FAM98A: variants seen among roughly 807,000 people sequenced by gnomAD.
The protein encoded by FAM98A is protein FAM98A.
FAM98A carries 25 observed loss-of-function variants against 62.9 expected under a neutral mutation model. The observed-to-expected ratio is 0.40, with a 90% CI of 0.29 to 0.56. The LOEUF is 0.56. Ranked by LOEUF, FAM98A falls within the 20% of genes least tolerant of loss-of-function variation. FAM98A has a pLI of 0.51. For synonymous variants in FAM98A, 252 were observed against 228.6 expected (o/e 1.10, Z -0.92); for missense variants, 653 against 640.7 (o/e 1.02, Z -0.21).
rs546797083 is a variant in FAM98A at position 33,598,200 on chromosome 2, T to C, written c.53+969A>G. ...CAAGGTGTTTTTTCCTAAAGAAAGG[T>C]TTCTCTCAAAGGTTTCCTTGTCATG... On this transcript the variant is annotated intron_variant, in intron 1 of 7. Transcript: ENST00000238823. Among the ~76,000 whole-genome samples the C allele has an allele frequency of 7.6e-4, 116 of 152,246 alleles. No homozygotes were observed. The South Asian group carries it at 0.012, about 16-fold the overall frequency.
At chr2:33,598,911 C>G (rs947203272) in intron 1 of FAM98A, among the ~76,000 whole-genome samples, 2 of 152,220 alleles carry the variant, frequency 1.3e-5, no homozygotes, top group Non-Finnish European at 2.9e-5. Context: ...GACAATGACA[C>G]GCATGACTGA....
Position 33,584,853 on chromosome 2 carries a change from A to T in FAM98A, c.1480T>A (p.Phe494Ile). The T allele has an allele frequency of 6.2e-7, 1 of 1,614,090 alleles. No individual in the cohort carries two copies. The highest frequency in any genetic ancestry group is 8.5e-7 in the Non-Finnish European group (1 of 1,179,994). The change falls in exon 8 of 8, where the codon TTT becomes ATT. Residue 494 changes from phenylalanine (F) to isoleucine (I), a missense_variant. Phe to Ile is a conservative substitution (Grantham distance 21, BLOSUM62 0). Coordinates refer to ENST00000238823, the MANE Select transcript of FAM98A (RefSeq NM_015475.5). ...CCTCCATGCTGGAAATGCTGTTCAA[A>T]TTGACCCCCTTGGTGATAATTCTGG... ...GSQNYHQGGQ[F>I]EQHFQHGGYQ... is the part of the protein sequence containing the mutation.
rs756446837 is a variant in FAM98A at position 33,585,523 on chromosome 2, TA to T, written c.888+6del. 6.0e-5 allele frequency: 97 copies of T among 1,614,130 alleles called. No homozygotes were observed. The African/African-American group carries it at 1.1e-3, about 18-fold the overall frequency. On this transcript the variant is annotated splice_donor_region_variant and intron_variant, in intron 7 of 7. Coordinates refer to ENST00000238823, the MANE Select transcript of FAM98A (RefSeq NM_015475.5). ...CATTTGGAAAAAATTAAAGGTACTC[TA>T]ATCACCTTATTGATGGCACAGGCAG...
At chr2:33,586,820 T>G in intron 5 of FAM98A, 142 bp from the exon 6 acceptor site, 1 of 601,188 alleles carries the variant, frequency 1.7e-6, no homozygotes, top group Non-Finnish European at 3.0e-6. Flanking sequence ...TATAATATAC[T>G]AACAATTAAT....
Position 33,599,282 on chromosome 2 carries a change from A to C in FAM98A, c.-61T>G. 7.1e-7 allele frequency: 1 copy of C among 1,400,080 alleles called. No homozygotes were observed. The highest frequency in any genetic ancestry group is 1.2e-5 in the South Asian group (1 of 86,896). The allele number at this position is 1,400,080 out of a possible 1,614,324, so 86.7% of individuals were successfully genotyped here. ...TCCCCTCTTCGCCGGCAACGCGTACACTCGCGCATGCGCGACTTCCCCGGA... is the reference window on the plus strand; with the variant it reads ...TCCCCTCTTCGCCGGCAACGCGTACCCTCGCGCATGCGCGACTTCCCCGGA... On this transcript the variant is annotated 5_prime_UTR_variant, in exon 1 of 8. Coordinates refer to ENST00000238823, the MANE Select transcript of FAM98A (RefSeq NM_015475.5).
intron 2 of FAM98A, among the ~76,000 whole-genome samples, chr2:33,592,561 G>C (rs1677695619): frequency 6.6e-6 from 1 of 152,036 alleles, no homozygotes; most frequent in African/African-American, 2.4e-5. Context: ...GTAGAGACTA[G>C]GTCTCAGTAT....
In FAM98A at chr2:33,599,180, C is replaced by G; in HGVS notation, c.42G>C (p.Leu14Phe). The change falls in exon 1 of 8, where the codon TTG (leucine) becomes TTC (phenylalanine). Residue 14 changes from leucine (L) to phenylalanine (F), a missense_variant. Physicochemically the swap from Leu to Phe is conservative, Grantham distance 22. Transcript: ENST00000238823. The part of the protein sequence containing the change: ...DLMETDILES[L>F]EDLGYKGPLL... ...CCTGACAATCTTACCCTAGATCTTC[C>G]AACGACTCCAAGATGTCAGTCTCCA... 3 of 1,613,862 alleles carry G rather than the reference C, an allele frequency of 1.9e-6. No homozygotes were observed. Among genetic ancestry groups the G allele is most frequent in the Non-Finnish European group, 2.5e-6 (3 of 1,179,770 alleles).
At chr2:33,597,429 T>G (rs1023241378) in intron 1 of FAM98A, among the ~76,000 whole-genome samples, 2 of 152,230 alleles carry the variant, frequency 1.3e-5, no homozygotes, top group African/African-American at 4.8e-5. Context: ...CTTTTAATAT[T>G]TGAATGCCAC....
intron 1 of FAM98A, among the ~76,000 whole-genome samples, chr2:33,596,891 CAAAAAAAAAAA>C (rs55741538): frequency 9.7e-6 from 1 of 103,458 alleles, no homozygotes; most frequent in Non-Finnish European, 1.8e-5. Context: ...GACTCCGTAT[CAAAAAAAAAAA>C]AAAAAAAAGA....
chr2:33,588,600 C>T, intron 3 of FAM98A, 81 bp from the exon 4 acceptor site: 2 of 1,063,036 alleles, frequency 1.9e-6, no homozygotes, highest in South Asian at 2.0e-5. Context: ...CTATATAGAC[C>T]TATTGATATG....
Position 33,594,801 on chromosome 2 carries a change from AG to A in FAM98A, c.202+687del, listed in dbSNP as rs572015780. 1.8e-3 allele frequency among the ~76,000 whole-genome samples: 267 copies of A among 152,130 alleles called. 1 individual carries two copies. Among genetic ancestry groups the A allele is most frequent in the African/African-American group, 6.2e-3 (259 of 41,502 alleles). On this transcript the variant is annotated intron_variant, in intron 2 of 7. Transcript: ENST00000238823. ...GGAATTATATGTATAGCTCTCCATA[AG>A]GGTGGGTTAACAGGTGAGTATTTTC...
At chr2:33,588,225 A>C (rs1009482134) in intron 4 of FAM98A, 110 bp downstream of exon 4, 1 of 821,984 alleles carries the variant, frequency 1.2e-6, no homozygotes, top group Non-Finnish European at 1.9e-6. Context: ...ATTACTTAAT[A>C]ATATATGCAC....
chr2:33,597,589 A>AG (rs1040415123), intron 1 of FAM98A, among the ~76,000 whole-genome samples: 7 of 151,996 alleles, frequency 4.6e-5, no homozygotes, highest in Admixed American at 1.3e-4. Flanking sequence ...TAAAAAAAGG[A>AG]GGGGGAAAAA....
Position 33,599,281 on chromosome 2 carries a change from C to A in FAM98A, c.-60G>T, listed in dbSNP as rs1053964805. ...CTCCCCTCTTCGCCGGCAACGCGTA[C>A]ACTCGCGCATGCGCGACTTCCCCGG... On this transcript the variant is annotated 5_prime_UTR_variant, in exon 1 of 8. Coordinates refer to ENST00000238823, the MANE Select transcript of FAM98A (RefSeq NM_015475.5). The A allele has an allele frequency of 4.2e-6, 6 of 1,418,190 alleles. No individual in the cohort carries two copies. The highest frequency in any genetic ancestry group is 1.4e-5 in the African/African-American group (1 of 71,204). 87.9% of individuals were successfully genotyped at this position (1,418,190 alleles called of 1,614,324 possible). A position where few individuals can be genotyped will look rare whatever the true frequency, so the allele number is the denominator to read the frequency against.
intron 3 of FAM98A, among the ~76,000 whole-genome samples, chr2:33,591,133 A>C (rs72785997): frequency 0.019 from 2,846 of 152,248 alleles, 36 homozygotes; most frequent in Middle Eastern, 0.051. Context: ...TTGACAGACA[A>C]AGGGGAAGTT....
intron 3 of FAM98A, chr2:33,591,825 T>G: frequency 9.8e-6 from 3 of 304,742 alleles, no homozygotes; most frequent in Non-Finnish European, 1.8e-5. Flanking sequence ...AGTGATCACA[T>G]TAGGAGAAGC....
chr2:33,585,733 T>G (rs375829869), intron 6 of FAM98A, 36 bp from the exon 7 acceptor site: 1 of 1,575,686 alleles, frequency 6.3e-7, no homozygotes, highest in Non-Finnish European at 8.6e-7. Context: ...GAAATGTCAA[T>G]TTTCAAAATG....
chr2:33,584,754 C>A lies in FAM98A; in HGVS notation c.*22G>T. On this transcript the variant is annotated 3_prime_UTR_variant, in exon 8 of 8. Coordinates refer to ENST00000238823, the MANE Select transcript of FAM98A (RefSeq NM_015475.5). ...TAAGTTTCTATTACTTGAGCTCTAG[C>A]AAAATGTAAGGTTCGGTAGCCTCAA... 4 of 1,553,038 alleles carry A rather than the reference C, an allele frequency of 2.6e-6. No homozygotes were observed. Among genetic ancestry groups the A allele is most frequent in the South Asian group, 2.4e-5 (2 of 84,084 alleles).
intron 3 of FAM98A, chr2:33,591,848 G>A (rs542433532): frequency 4.0e-5 from 15 of 375,998 alleles, no homozygotes; most frequent in African/African-American, 2.4e-4. Flanking sequence ...AACGGCCTGA[G>A]TACCACTGAG....
Sources: gnomAD v4.1 joint callset for allele counts (sites outside exome capture counted in the v4.1 genomes callset) on GRCh38, gnomAD v4.1.1 for gene constraint, MANE v1.5 for transcripts, NCBI Gene and HGNC (gene_info 2026-07-23, HGNC 2026-07-21) for gene names.